The following NTRK2 variants were observed in gnomAD, a reference collection of about 807,000 sequenced individuals.
The protein encoded by NTRK2 is BDNF/NT-3 growth factors receptor.
Under a neutral mutation model 94.5 loss-of-function variants are expected in NTRK2, and 13 were observed. The observed-to-expected ratio is 0.14, with a 90% CI of 0.09 to 0.22. The LOEUF (loss-of-function observed/expected upper bound fraction) is 0.22, where lower values mean the gene tolerates loss of function less well. Ranked by LOEUF, NTRK2 falls within the 10% of genes least tolerant of loss-of-function variation. The probability of loss-of-function intolerance (pLI) is 1.00; values close to 1 mark genes in which losing one functional copy is unlikely to be tolerated. For synonymous variants in NTRK2, 372 were observed against 407.4 expected (o/e 0.91, Z 1.05); for missense variants, 639 against 1,071.2 (o/e 0.60, Z 5.63).
At chr9:84,698,068 A>AT (rs1462083242) in intron 2 of NTRK2, among the ~76,000 whole-genome samples, 7 of 152,004 alleles carry the variant, frequency 4.6e-5, no homozygotes, top group Admixed American at 2.0e-4. Context: ...TTTTTAAGCT[A>AT]TTTTTTCTTT....
intron 12 of NTRK2, among the ~76,000 whole-genome samples, chr9:84,838,176 C>T (rs546838416): frequency 2.6e-4 from 39 of 152,098 alleles, no homozygotes; most frequent in South Asian, 6.2e-4. Flanking sequence ...TAATGGCAAA[C>T]GTGTCACTCA....
chr9:84,710,576 G>T, intron 5 of NTRK2, 61 bp from the exon 6 acceptor site: 1 of 1,549,226 alleles, frequency 6.5e-7, no homozygotes, highest in Admixed American at 1.7e-5. Context: ...TATTTTACAA[G>T]CACTAATGTA....
intron 14 of NTRK2, among the ~76,000 whole-genome samples, chr9:84,886,856 T>A (rs2076430755): frequency 6.6e-6 from 1 of 152,192 alleles, no homozygotes; most frequent in Non-Finnish European, 1.5e-5. Context: ...AGGAAGCAGA[T>A]GTCTCTTGGG....
At chr9:84,831,088 T>C (rs949110742) in intron 12 of NTRK2, among the ~76,000 whole-genome samples, 2 of 152,240 alleles carry the variant, frequency 1.3e-5, no homozygotes, top group Non-Finnish European at 2.9e-5. Flanking sequence ...GTGTTTGATA[T>C]TTTCCTAGTA....
intron 12 of NTRK2, among the ~76,000 whole-genome samples, chr9:84,789,096 A>G (rs2068446485): frequency 6.6e-6 from 1 of 152,210 alleles, no homozygotes; most frequent in Non-Finnish European, 1.5e-5. Context: ...GCCAGCTCTC[A>G]AACCAAGTTG....
chr9:84,735,353 A>G (rs1052668742), intron 9 of NTRK2, among the ~76,000 whole-genome samples: 1 of 152,306 alleles, frequency 6.6e-6, no homozygotes, highest in East Asian at 1.9e-4. Flanking sequence ...TTATGATTCA[A>G]TGGATTTGAA....
At chr9:84,767,758 T>C (rs2066172420) in intron 12 of NTRK2, among the ~76,000 whole-genome samples, 1 of 152,236 alleles carries the variant, frequency 6.6e-6, no homozygotes, top group Non-Finnish European at 1.5e-5. Flanking sequence ...CTGCATGTTG[T>C]GAAACAGTGT....
chr9:84,875,881 T>TAATATTAAGTTTAAGAGATTATAAA (rs1363186380), intron 14 of NTRK2: 2 of 1,039,468 alleles, frequency 1.9e-6, no homozygotes, highest in African/African-American at 3.3e-5. Flanking sequence ...TTTTGCACAG[T>TAATATTAAGTTTAAGAGATTATAAA]AATATTAAGT....
chr9:84,744,551 C>T (rs762883043), intron 10 of NTRK2, among the ~76,000 whole-genome samples: 32 of 152,242 alleles, frequency 2.1e-4, no homozygotes, highest in Non-Finnish European at 3.8e-4. Context: ...ATGTAACTTT[C>T]CTCCACTGAT....
Position 84,774,380 on chromosome 9 carries a change from C to T in NTRK2, c.1396+22295C>T, listed in dbSNP as rs994145543. On this transcript the variant is annotated intron_variant, in intron 12 of 18. Transcript: ENST00000277120. ...CAACAGACAGGATGGAGAGGGGTCTCCATGTCTGGCACTTCATGTACTTTG... is the reference window on the plus strand; with the variant it reads ...CAACAGACAGGATGGAGAGGGGTCTTCATGTCTGGCACTTCATGTACTTTG... Among the ~76,000 whole-genome samples, 10 of 152,196 alleles carry T rather than the reference C, an allele frequency of 6.6e-5. No homozygotes were observed. The South Asian group carries it at 1.0e-3, about 16-fold the overall frequency.
intron 17 of NTRK2, among the ~76,000 whole-genome samples, chr9:85,004,053 G>GAAAGAAAGAAAAGAAAGAAAGAAA (rs1316613240): frequency 1.5e-5 from 1 of 64,898 alleles, no homozygotes; most frequent in African/African-American, 6.1e-5. Context: ...AAGGGAGAAA[G>GAAAGAAAGAAAAGAAAGAAAGAAA]AGAAAGAAAG....
intron 17 of NTRK2, among the ~76,000 whole-genome samples, chr9:84,996,680 C>A (rs140248805): frequency 1.3e-5 from 2 of 152,144 alleles, no homozygotes; most frequent in Non-Finnish European, 2.9e-5. Context: ...GGTCTGCAAC[C>A]AAGAAGCTGC....
At chr9:84,811,647 A>T (rs2071805807) in intron 12 of NTRK2, 1 of 1,065,220 alleles carries the variant, frequency 9.4e-7, no homozygotes, top group African/African-American at 1.6e-5. Flanking sequence ...ACATACTGTC[A>T]TACTGCTGGG....
chr9:84,669,205 A>T (rs1343130501), upstream of NTRK2: 3 of 152,432 alleles, frequency 2.0e-5, no homozygotes, highest in Admixed American at 2.0e-4. This position sits in a 1 kb window ranked among gnomAD's most constrained non-coding sequence, Gnocchi z 4.1. Context: ...TATTTTTAGG[A>T]TAGCTTGCCC....
intron 17 of NTRK2, among the ~76,000 whole-genome samples, chr9:85,009,362 A>G (rs1375440126): frequency 1.3e-5 from 2 of 152,194 alleles, no homozygotes; most frequent in Non-Finnish European, 2.9e-5. Flanking sequence ...TTCTTTCTGC[A>G]GTATTGGGAT....
At chr9:85,017,183 GAGTA>G (rs1368035970) in intron 17 of NTRK2, among the ~76,000 whole-genome samples, 1 of 152,102 alleles carries the variant, frequency 6.6e-6, no homozygotes, top group Non-Finnish European at 1.5e-5. Flanking sequence ...GCTGCTTCTG[GAGTA>G]AGTAAGAGAG....
chr9:84,965,008 A>C (rs998909225), intron 17 of NTRK2, among the ~76,000 whole-genome samples: 1 of 152,168 alleles, frequency 6.6e-6, no homozygotes. Context: ...TCTACAATTA[A>C]AGTTTCCCTG....
chr9:84,812,153 G>A (rs984001104), intron 12 of NTRK2: 3 of 1,058,352 alleles, frequency 2.8e-6, no homozygotes, highest in Admixed American at 5.4e-5. Flanking sequence ...ACATTGTTTT[G>A]AATCCTCTGT....
intron 16 of NTRK2, 70 bp downstream of exon 16, chr9:84,948,704 G>A (rs979489384): frequency 2.7e-6 from 4 of 1,464,422 alleles, no homozygotes; most frequent in Non-Finnish European, 3.8e-6. Context: ...GAGGGTTCAT[G>A]GGAGGGAACA....
Sources: gnomAD v4.1 joint callset for allele counts (sites outside exome capture counted in the v4.1 genomes callset) on GRCh38, gnomAD v4.1.1 for gene constraint, Gnocchi (gnomAD v3.1) non-coding constraint, MANE v1.5 for transcripts, NCBI Gene and HGNC (gene_info 2026-07-23, HGNC 2026-07-21) for gene names.